CREB5: variants seen among roughly 807,000 people sequenced by gnomAD.
The protein encoded by CREB5 is cAMP responsive element binding protein 5, also known as cyclic AMP-responsive element-binding protein 5.
In CREB5, 19 loss-of-function variants were observed where a neutral mutation model predicts 57.1. The observed-to-expected ratio is 0.33, with a 90% CI of 0.23 to 0.49. The LOEUF is 0.49. Ranked by LOEUF, CREB5 falls within the 20% of genes least tolerant of loss-of-function variation. The pLI is 0.99. For synonymous variants in CREB5, 238 were observed against 238.3 expected, an observed-to-expected ratio of 1.00 and a Z score of 0.01; for missense variants, 579 against 671.6, an observed-to-expected ratio of 0.86 and a Z score of 1.52.
chr7:28,624,693 AC>A (rs1310059436), intron 5 of CREB5, among the ~76,000 whole-genome samples: 10 of 149,236 alleles, frequency 6.7e-5, no homozygotes, highest in East Asian at 4.0e-4. Context: ...AAAAAAAAAA[AC>A]AATCTTGAAG....
At chr7:28,728,056 C>T (rs1803421166) in intron 7 of CREB5, among the ~76,000 whole-genome samples, 2 of 152,184 alleles carry the variant, frequency 1.3e-5, no homozygotes, top group Non-Finnish European at 1.5e-5. Flanking sequence ...AGCAATCCTT[C>T]CACCTCAGCC....
At chr7:28,437,087 A>T (rs949460112) in intron 1 of CREB5, among the ~76,000 whole-genome samples, 1 of 152,138 alleles carries the variant, frequency 6.6e-6, no homozygotes, top group African/African-American at 2.4e-5. Context: ...GCTCACACTC[A>T]TAAGGTCCCA....
chr7:28,794,597 C>T (rs1807917407), intron 7 of CREB5, among the ~76,000 whole-genome samples: 2 of 152,298 alleles, frequency 1.3e-5, no homozygotes, highest in African/African-American at 4.8e-5. Flanking sequence ...TCTAATATCT[C>T]ACCTGAGTAT....
At chr7:28,358,393 C>A (rs55816273) in intron 1 of CREB5, among the ~76,000 whole-genome samples, 1 of 152,132 alleles carries the variant, frequency 6.6e-6, no homozygotes, top group Non-Finnish European at 1.5e-5. Context: ...GGACTTGACA[C>A]GGCCACTTGT....
chr7:28,413,344 C>G (rs1285614387), intron 1 of CREB5, among the ~76,000 whole-genome samples: 1 of 151,808 alleles, frequency 6.6e-6, no homozygotes, highest in Non-Finnish European at 1.5e-5. Context: ...CGCATTCAAA[C>G]CTAGATGTGT....
intron 7 of CREB5, among the ~76,000 whole-genome samples, chr7:28,766,464 G>C (rs1426917007): frequency 2.0e-5 from 3 of 152,236 alleles, no homozygotes; most frequent in African/African-American, 7.2e-5. Context: ...CTGTTGAAAA[G>C]ATGACAAGGT....
At chr7:28,742,363 G>A (rs1280973800) in intron 7 of CREB5, among the ~76,000 whole-genome samples, 4 of 151,894 alleles carry the variant, frequency 2.6e-5, no homozygotes, top group South Asian at 4.2e-4. Context: ...TCAGGAGATC[G>A]AGACCATCCT....
intron 5 of CREB5, among the ~76,000 whole-genome samples, chr7:28,640,588 A>G (rs1798616113): frequency 1.3e-5 from 2 of 152,224 alleles, no homozygotes; most frequent in Non-Finnish European, 2.9e-5. Flanking sequence ...CGATCACAAG[A>G]AAGAACTATG....
chr7:28,717,076 G>C (rs528594122), intron 5 of CREB5, among the ~76,000 whole-genome samples: 22 of 134,584 alleles, frequency 1.6e-4, no homozygotes, highest in Middle Eastern at 8.1e-3. Flanking sequence ...CTGCGGAAAG[G>C]CTTTATATTC....
intron 5 of CREB5, among the ~76,000 whole-genome samples, chr7:28,714,413 A>G (rs1165216574): frequency 1.3e-5 from 2 of 152,176 alleles, no homozygotes; most frequent in Admixed American, 6.5e-5. Flanking sequence ...TTTAACAGAT[A>G]GTCCCAGTGT....
Position 28,698,872 on chromosome 7 carries a change from A to G in CREB5, c.465-19881A>G, listed in dbSNP as rs572617415. On this transcript the variant is annotated intron_variant, in intron 5 of 10. Coordinates refer to ENST00000357727, the MANE Select transcript of CREB5 (RefSeq NM_182898.4). ...GGAGCAACATAGTAAGGATCCCGGGACTAATTATCTTATGAACGGTGCACA... is the reference window on the plus strand; with the variant it reads ...GGAGCAACATAGTAAGGATCCCGGGGCTAATTATCTTATGAACGGTGCACA... 5.1e-4 allele frequency among the ~76,000 whole-genome samples: 78 copies of G among 152,320 alleles called. 1 individual carries two copies. The South Asian group carries it at 0.016, about 31-fold the overall frequency.
intron 4 of CREB5, among the ~76,000 whole-genome samples, chr7:28,523,836 A>G (rs1051980350): frequency 6.6e-6 from 1 of 152,138 alleles, no homozygotes; most frequent in African/African-American, 2.4e-5. Context: ...TGCAATCTTG[A>G]TCTTTCCTGA....
chr7:28,422,630 C>A (rs966167218), intron 1 of CREB5, among the ~76,000 whole-genome samples: 1 of 152,128 alleles, frequency 6.6e-6, no homozygotes, highest in African/African-American at 2.4e-5. Flanking sequence ...GTTATATGGA[C>A]ACATAAACTT....
chr7:28,583,474 A>G (rs532933735), intron 5 of CREB5, among the ~76,000 whole-genome samples: 1 of 152,286 alleles, frequency 6.6e-6, no homozygotes, highest in South Asian at 2.1e-4. Flanking sequence ...TAGAGACTTG[A>G]TGGGGATCTG....
chr7:28,594,528 A>T (rs1057219775), intron 5 of CREB5, among the ~76,000 whole-genome samples: 1 of 152,118 alleles, frequency 6.6e-6, no homozygotes, highest in Admixed American at 6.5e-5. Flanking sequence ...AGCCCTCCTG[A>T]TTCCCCCAGG....
chr7:28,382,904 C>T (rs11769674), intron 1 of CREB5, among the ~76,000 whole-genome samples: 58,561 of 151,696 alleles, frequency 0.39, 11,622 homozygotes, highest in East Asian at 0.5. Flanking sequence ...ATTTAATGAA[C>T]CAGTGAAAAT....
intron 5 of CREB5, among the ~76,000 whole-genome samples, chr7:28,608,184 G>T (rs570993921): frequency 4.2e-5 from 6 of 144,558 alleles, no homozygotes; most frequent in South Asian, 2.2e-4. Context: ...CCTTCATTTT[G>T]GTTTGTGTCT....
rs1262583227 is a variant in CREB5, at chr7:28,822,663, A to AGAT, written c.*3385_*3387dup. 3 of 152,656 alleles carry AGAT rather than the reference A, an allele frequency of 2.0e-5. No homozygotes were observed. The highest frequency in any genetic ancestry group is 4.4e-5 in the Non-Finnish European group (3 of 68,056). 9.5% of individuals were successfully genotyped at this position (152,656 alleles called of 1,614,324 possible). Reference sequence around the variant, plus strand: ...CTTATGTGATGGGAGTTAACAACTCAGATAAGTACACCTGAGAGCATTTCT... The same window carrying AGAT: ...CTTATGTGATGGGAGTTAACAACTCAGATGATAAGTACACCTGAGAGCATTTCT... On this transcript the variant is annotated 3_prime_UTR_variant, in exon 11 of 11. Transcript: ENST00000357727.
chr7:28,400,421 C>G (rs900130495), intron 1 of CREB5, among the ~76,000 whole-genome samples: 2 of 152,194 alleles, frequency 1.3e-5, no homozygotes, highest in Non-Finnish European at 2.9e-5. Flanking sequence ...TCCCTTCAGA[C>G]TTTGACATAG....
Sources: allele counts gnomAD v4.1 joint callset (sites outside exome capture counted in the v4.1 genomes callset), GRCh38; gene constraint gnomAD v4.1.1; transcripts MANE v1.5; gene names NCBI Gene and HGNC (gene_info 2026-07-23, HGNC 2026-07-21).